The following NKD2 variants were observed in gnomAD, a reference collection of about 807,000 sequenced individuals.
The protein encoded by NKD2 is NKD inhibitor of Wnt signaling pathway 2, also known as protein naked cuticle homolog 2.
Under a neutral mutation model 34.8 loss-of-function variants are expected in NKD2, and 43 were observed. The ratio of observed to expected loss-of-function variants is 1.24; its 90% CI spans 0.97 to 1.60. The LOEUF (loss-of-function observed/expected upper bound fraction) is 1.60, where lower values mean the gene tolerates loss of function less well. Among genes scored for constraint, NKD2 ranks in the 40% most tolerant of loss-of-function variants. The probability of loss-of-function intolerance (pLI) is 0.00; values close to 1 mark genes in which losing one functional copy is unlikely to be tolerated. For synonymous variants in NKD2, 278 were observed against 265.1 expected, an observed-to-expected ratio of 1.05 and a Z score of -0.47; for missense variants, 675 against 627.1, an observed-to-expected ratio of 1.08 and a Z score of -0.82.
intron 3 of NKD2, among the ~76,000 whole-genome samples, chr5:1,012,828 C>T (rs2150725376): frequency 6.6e-6 from 1 of 152,358 alleles, no homozygotes; most frequent in South Asian, 2.1e-4. Flanking sequence ...CTCACCTGTC[C>T]TCTGTGGGTC....
chr5:1,037,835 C>A lies in NKD2; in HGVS notation c.818C>A (p.Pro273His). 1 of 1,586,546 alleles carries A rather than the reference C, an allele frequency of 6.3e-7. No homozygotes were observed. The stretch of plus-strand genomic sequence containing the variant: ...CCTCCTGTGCAAGCAAAGCAGGAGC[C>A]CCAGGGCAGGGCCTCGCACCTCCAG... Reference protein sequence around the residue: ...GSPPVQAKQEPQGRASHLQAR... With the variant: ...GSPPVQAKQEHQGRASHLQAR... Residue 273 changes from proline to histidine, a missense_variant, in exon 10 of 10, where the codon CCC (proline) becomes CAC (histidine). Pro to His is a moderately conservative substitution (Grantham distance 77). Coordinates refer to ENST00000296849, the MANE Select transcript of NKD2 (RefSeq NM_033120.4).
chr5:1,014,099 G>GA (rs1476527695), intron 3 of NKD2, among the ~76,000 whole-genome samples: 1 of 152,236 alleles, frequency 6.6e-6, no homozygotes, highest in African/African-American at 2.4e-5. Context: ...TTCTGCAGGT[G>GA]AAAGAAGACA....
intron 3 of NKD2, among the ~76,000 whole-genome samples, chr5:1,014,560 G>C (rs1233261492): frequency 6.6e-6 from 1 of 152,242 alleles, no homozygotes; most frequent in Non-Finnish European, 1.5e-5. Flanking sequence ...CCTTGTAGGA[G>C]TGGCTGGCTC....
At chr5:1,036,945 C>T (rs1383298163) in intron 9 of NKD2, 13 of 351,412 alleles carry the variant, frequency 3.7e-5, no homozygotes, top group African/African-American at 2.6e-4. Flanking sequence ...GGATGGCAGG[C>T]GGGCAGTGTG....
chr5:1,034,741 G>C lies in NKD2; in HGVS notation c.427-15G>C. The C allele has an allele frequency of 1.2e-6, 2 of 1,604,894 alleles. No individual in the cohort carries two copies. Among genetic ancestry groups the C allele is most frequent in the Non-Finnish European group, 1.7e-6 (2 of 1,173,670 alleles). On this transcript the variant is annotated splice_polypyrimidine_tract_variant and intron_variant, in intron 6 of 9. Transcript: ENST00000296849. ...TGGGGTCTGCTCTGTCAGTGAAACT[G>C]ATGCCGGGCCCCAGGACATGTCCAG...
chr5:1,021,367 T>TCCACCCAC lies in NKD2; in HGVS notation c.142-10766_142-10759dup, dbSNP rs1189340387. 3.9e-4 allele frequency among the ~76,000 whole-genome samples: 11 copies of TCCACCCAC among 28,344 alleles called. No homozygotes were observed. The East Asian group carries it at 4.0e-3, about 10-fold the overall frequency. 18.6% of individuals were successfully genotyped at this position (28,344 alleles called of 152,430 possible). A position where few individuals can be genotyped will look rare whatever the true frequency, so the allele number is the denominator to read the frequency against. On this transcript the variant is annotated intron_variant, in intron 3 of 9. Coordinates refer to ENST00000296849, the MANE Select transcript of NKD2 (RefSeq NM_033120.4). ...TCCCGCTGACCCGGCCCCCCGCCCC[T>TCCACCCAC]CCACCCACCCACCCACCCACCCACC...
rs564045187 is a variant in NKD2 at position 1,018,263 on chromosome 5, C to T, written c.141+8703C>T. Among the ~76,000 whole-genome samples, 7 of 152,238 alleles carry T rather than the reference C, an allele frequency of 4.6e-5. No homozygotes were observed. In the East Asian group the frequency reaches 9.7e-4, roughly 21 times the overall value. On this transcript the variant is annotated intron_variant, in intron 3 of 9. Transcript: ENST00000296849. ...AGGAGCACCACAGCTGCAGACCTGC[C>T]GGATGACCCTCGGGTGACACTTTGG...
intron 3 of NKD2, 55 bp from the exon 4 acceptor site, chr5:1,032,097 T>C: frequency 7.0e-7 from 1 of 1,429,782 alleles, no homozygotes; most frequent in Non-Finnish European, 9.8e-7. Flanking sequence ...CCTGCCCATC[T>C]CCCCCGCCTG....
At chr5:1,013,986 A>G (rs1579246579) in intron 3 of NKD2, among the ~76,000 whole-genome samples, 2 of 152,330 alleles carry the variant, frequency 1.3e-5, no homozygotes, top group Middle Eastern at 6.8e-3. Context: ...TGGGGGTTTC[A>G]CAGACGAGGC....
At chr5:1,030,160 C>T (rs574881042) in intron 3 of NKD2, among the ~76,000 whole-genome samples, 1 of 152,216 alleles carries the variant, frequency 6.6e-6, no homozygotes, top group Non-Finnish European at 1.5e-5. Context: ...TTTAGGGTCA[C>T]CTTCCCCTCC....
intron 6 of NKD2, 44 bp from the exon 7 acceptor site, chr5:1,034,712 C>A (rs1733751009): frequency 6.3e-7 from 1 of 1,590,024 alleles, no homozygotes; most frequent in African/African-American, 1.3e-5. Flanking sequence ...CGGGTGGTGT[C>A]CCCTGGGGTC....
chr5:1,035,772 G>T, intron 8 of NKD2: 1 of 466,640 alleles, frequency 2.1e-6, no homozygotes, highest in Non-Finnish European at 3.8e-6. Context: ...GCTCCACTCA[G>T]CAGCTTTGGG....
intron 6 of NKD2, 49 bp from the exon 7 acceptor site, chr5:1,034,707 G>A (rs1328064562): frequency 6.3e-7 from 1 of 1,576,418 alleles, no homozygotes; most frequent in Non-Finnish European, 8.7e-7. Context: ...GAGGGCGGGT[G>A]GTGTCCCCTG....
chr5:1,032,008 G>A (rs1005649841), intron 3 of NKD2, 144 bp from the exon 4 acceptor site: 8 of 677,956 alleles, frequency 1.2e-5, no homozygotes, highest in Non-Finnish European at 2.1e-5. Context: ...ACGAAGGGTT[G>A]GTGTTTCTGG....
intron 5 of NKD2, 48 bp downstream of exon 5, chr5:1,033,547 G>GGCCGT: frequency 6.6e-7 from 1 of 1,517,010 alleles, no homozygotes; most frequent in Non-Finnish European, 8.9e-7. Context: ...CCTGGGGCCG[G>GGCCGT]GGGCTCAGGG....
chr5:1,029,504 C>T (rs1756554657), intron 3 of NKD2, among the ~76,000 whole-genome samples: 1 of 152,206 alleles, frequency 6.6e-6, no homozygotes. Context: ...TGCGCCCCTC[C>T]TTCTGTCACC....
In NKD2 at chr5:1,034,340, C is replaced by G; in HGVS notation, c.426+10C>G. On this transcript the variant is annotated intron_variant, in intron 6 of 9. Coordinates refer to ENST00000296849, the MANE Select transcript of NKD2 (RefSeq NM_033120.4). The stretch of plus-strand genomic sequence containing the variant: ...GAAGGTCACCAGGGAGGTAGGTGAG[C>G]TTGTGTTTGCGTCAGGTCCACAGTA... The G allele has an allele frequency of 6.2e-7, 1 of 1,606,728 alleles. No individual in the cohort carries two copies.
intron 9 of NKD2, 112 bp from the exon 10 acceptor site, chr5:1,037,693 C>T: frequency 1.3e-6 from 2 of 1,539,432 alleles, no homozygotes; most frequent in East Asian, 2.4e-5. Context: ...AACAGACTGG[C>T]CTCAGGTGGG....
rs779011116 is a variant in NKD2, at chr5:1,038,002, C to T, written c.985C>T (p.Gln329Ter). The T allele has an allele frequency of 3.9e-5, 62 of 1,607,350 alleles. No homozygotes were observed. In the Middle Eastern group the frequency reaches 1.2e-3, roughly 31 times the overall value. ...TQPRPKGPEK[Q>*]FLKSPKGSGK... is the part of the protein sequence containing the mutation. ...GCCCCGGCCGAAGGGGCCGGAGAAG[C>T]AGTTCCTCAAGTCCCCCAAGGGCTC... is the stretch of plus-strand genomic sequence containing the variant. Residue 329 changes from glutamine (Q) to a stop codon, truncating the protein, a stop_gained, in exon 10 of 10, where the codon CAG becomes TAG. Coordinates refer to ENST00000296849, the MANE Select transcript of NKD2 (RefSeq NM_033120.4). LOFTEE classifies it low-confidence loss of function (END_TRUNC). This position sits in a 1 kb window ranked among gnomAD's most constrained non-coding sequence, Gnocchi z 4.5.
Sources: gnomAD v4.1 joint callset for allele counts (sites outside exome capture counted in the v4.1 genomes callset) on GRCh38, gnomAD v4.1.1 for gene constraint, Gnocchi (gnomAD v3.1) non-coding constraint, MANE v1.5 for transcripts, NCBI Gene and HGNC (gene_info 2026-07-23, HGNC 2026-07-21) for gene names.